Variants in BSPH1 observed in about 807,000 individuals in gnomAD.
BSPH1 encodes the protein binder of sperm protein homolog 1.
Under a neutral mutation model 22.5 loss-of-function variants are expected in BSPH1, and 21 were observed. The observed-to-expected ratio is 0.93, with a 90% CI of 0.66 to 1.35. The LOEUF (loss-of-function observed/expected upper bound fraction) is 1.35. Among genes scored for constraint, BSPH1 ranks in the 40% most tolerant of loss-of-function variants. The pLI, the probability that BSPH1 is intolerant of heterozygous loss-of-function variation, is 0.00. For missense variants in BSPH1, 141 were observed against 154.2 expected, an observed-to-expected ratio of 0.91 and a Z score of 0.45; for synonymous variants, 42 against 53.6, an observed-to-expected ratio of 0.78 and a Z score of 0.95.
chr19:47,983,671 G>T lies in BSPH1; in HGVS notation c.74-2730C>A, dbSNP rs1969440064. ...GATCATTTGTTGTGAATGTTGGGAT[G>T]TTATGTTTCAAAAAATACCTTGCAA... On this transcript the variant is annotated intron_variant, in intron 1 of 5. Coordinates refer to ENST00000344839, the MANE Select transcript of BSPH1 (RefSeq NM_001128326.2). 2.0e-5 allele frequency among the ~76,000 whole-genome samples: 3 copies of T among 152,238 alleles called. No homozygotes were observed. The South Asian group carries it at 6.2e-4, about 32-fold the overall frequency.
At chr19:47,980,470 CTTCT>C (rs1246304253) in intron 2 of BSPH1, 1 of 257,590 alleles carries the variant, frequency 3.9e-6, no homozygotes, top group Non-Finnish European at 5.6e-6. Context: ...ATCTCCTCTT[CTTCT>C]TTCTTTTTTT....
chr19:47,992,128 C>A lies in BSPH1; in HGVS notation c.-47G>T. On this transcript the variant is annotated 5_prime_UTR_variant, in exon 1 of 6. Coordinates refer to ENST00000344839, the MANE Select transcript of BSPH1 (RefSeq NM_001128326.2). ...TATCTCAGATCTTCCTGGTCTTTGT[C>A]AGCCAGGGCTCAAGAATCCCCTGGA... The A allele has an allele frequency of 6.8e-7, 1 of 1,478,782 alleles. No individual in the cohort carries two copies. The highest frequency in any genetic ancestry group is 1.2e-5 in the South Asian group (1 of 82,254). 91.6% of individuals were successfully genotyped at this position (1,478,782 alleles called of 1,614,324 possible). A position where few individuals can be genotyped will look rare whatever the true frequency, so the allele number is the denominator to read the frequency against.
rs142778699 is a variant in BSPH1 at position 47,982,379 on chromosome 19, A to G, written c.74-1438T>C. On this transcript the variant is annotated intron_variant, in intron 1 of 5. Coordinates refer to ENST00000344839, the MANE Select transcript of BSPH1 (RefSeq NM_001128326.2). ...TGAATTTGTTGTGTATATTTCATTT[A>G]TTACTGACGATTTTGCTATTTGCTC... Among the ~76,000 whole-genome samples the G allele has an allele frequency of 9.8e-5, 15 of 152,334 alleles. No homozygotes were observed. In the East Asian group the frequency reaches 2.9e-3, roughly 29 times the overall value.
chr19:47,987,950 C>T (rs1969486540), intron 1 of BSPH1, among the ~76,000 whole-genome samples: 1 of 151,970 alleles, frequency 6.6e-6, no homozygotes, highest in Non-Finnish European at 1.5e-5. Context: ...GTGCTGAGAT[C>T]ACACCACTGC....
At chr19:47,969,685 GA>G (rs1468910184) in intron 5 of BSPH1, among the ~76,000 whole-genome samples, 78 of 5,702 alleles carry the variant, frequency 0.014, no homozygotes, top group African/African-American at 0.021. Context: ...GGGAGAGGGG[GA>G]GAGAGAGAGA....
chr19:47,989,464 C>G (rs955361134), intron 1 of BSPH1, among the ~76,000 whole-genome samples: 6 of 151,698 alleles, frequency 4.0e-5, no homozygotes, highest in Admixed American at 6.6e-5. Flanking sequence ...TCTAAAACAC[C>G]AAAATGTAGT....
chr19:47,974,536 C>G (rs1189770283), intron 5 of BSPH1, among the ~76,000 whole-genome samples: 1 of 152,018 alleles, frequency 6.6e-6, no homozygotes, highest in Non-Finnish European at 1.5e-5. Flanking sequence ...TCCCAAAGTG[C>G]TGGGATTACA....
At chr19:47,975,053 A>G (rs6509350) in intron 5 of BSPH1, among the ~76,000 whole-genome samples, 89,338 of 152,012 alleles carry the variant, frequency 0.59, 26,833 homozygotes, top group African/African-American at 0.69. Flanking sequence ...ATGCACTTAC[A>G]TTTTCTTATA....
At chr19:47,975,857 G>C (rs7259173) in intron 5 of BSPH1, among the ~76,000 whole-genome samples, 1 of 151,700 alleles carries the variant, frequency 6.6e-6, no homozygotes, top group Non-Finnish European at 1.5e-5. Flanking sequence ...GGGTTTCACC[G>C]TGTTAGCCAG....
intron 5 of BSPH1, among the ~76,000 whole-genome samples, chr19:47,974,219 C>T (rs1245037173): frequency 6.6e-6 from 1 of 151,380 alleles, no homozygotes; most frequent in Non-Finnish European, 1.5e-5. Context: ...TATTAATTCC[C>T]TTGGCTCCCA....
intron 5 of BSPH1, among the ~76,000 whole-genome samples, chr19:47,974,269 C>CTTTT (rs558434334): frequency 7.2e-4 from 55 of 75,998 alleles, no homozygotes; most frequent in Middle Eastern, 0.016. Flanking sequence ...CTCTCTCTCT[C>CTTTT]TTTTTTTTTT....
At position 47,992,170 on chromosome 19, in the gene BSPH1, T is replaced by C; in HGVS notation, c.-89A>G. 3 of 1,071,068 alleles carry C rather than the reference T, an allele frequency of 2.8e-6. No individual in the cohort carries two copies. The highest frequency in any genetic ancestry group is 4.1e-6 in the Non-Finnish European group (3 of 726,278). 66.3% of individuals were successfully genotyped at this position (1,071,068 alleles called of 1,614,324 possible). On this transcript the variant is annotated 5_prime_UTR_variant, in exon 1 of 6. Transcript: ENST00000344839. ...TCCCCTGGAGAGGCCCAGGGAGGCT[T>C]CTTGGAAAAGCAGGTTTGCTTCCCT...
At chr19:47,982,074 C>T (rs561063401) in intron 1 of BSPH1, among the ~76,000 whole-genome samples, 1 of 152,018 alleles carries the variant, frequency 6.6e-6, no homozygotes, top group South Asian at 2.1e-4. Context: ...TGATTTTTTC[C>T]CAAATAGCCC....
At chr19:47,967,890 T>C (rs1028114961), downstream of BSPH1, among the ~76,000 whole-genome samples, 1 of 152,124 alleles carries the variant, frequency 6.6e-6, no homozygotes, top group Admixed American at 6.5e-5. Flanking sequence ...AGAAAGGATA[T>C]TGAAGGGGAA....
chr19:47,990,620 A>T (rs1055107346), intron 1 of BSPH1, among the ~76,000 whole-genome samples: 7 of 150,774 alleles, frequency 4.6e-5, no homozygotes, highest in Admixed American at 4.0e-4. Context: ...AAGCAGTGTT[A>T]TTTTTTTTTA....
intron 1 of BSPH1, 60 bp downstream of exon 1, chr19:47,991,949 A>C: frequency 8.9e-7 from 1 of 1,125,286 alleles, no homozygotes; most frequent in Non-Finnish European, 1.3e-6. Flanking sequence ...CCTTGCTCTC[A>C]CTCTGCTCCA....
chr19:47,988,273 T>C (rs1409570435), intron 1 of BSPH1, among the ~76,000 whole-genome samples: 1 of 152,176 alleles, frequency 6.6e-6, no homozygotes, highest in Non-Finnish European at 1.5e-5. Flanking sequence ...ACTATAATAG[T>C]AGTAATAATG....
intron 3 of BSPH1, among the ~76,000 whole-genome samples, chr19:47,979,368 A>G (rs1266083837): frequency 6.6e-6 from 1 of 152,190 alleles, no homozygotes; most frequent in Non-Finnish European, 1.5e-5. Flanking sequence ...GAAATTAAAG[A>G]GTAGACACAT....
chr19:47,991,266 C>A (rs997916342), intron 1 of BSPH1, among the ~76,000 whole-genome samples: 3 of 152,088 alleles, frequency 2.0e-5, no homozygotes, highest in African/African-American at 7.2e-5. Flanking sequence ...TGTGCCGGGC[C>A]ATGCTCCTGT....
Sources: gnomAD v4.1 joint callset for allele counts (sites outside exome capture counted in the v4.1 genomes callset) on GRCh38, gnomAD v4.1.1 for gene constraint, MANE v1.5 for transcripts, NCBI Gene and HGNC (gene_info 2026-07-23, HGNC 2026-07-21) for gene names.